ANK3: variants seen among roughly 807,000 people sequenced by gnomAD.
ANK3 encodes ankyrin 3, also known as ankyrin-3.
ANK3 carries 57 observed loss-of-function variants against 370.9 expected under a neutral mutation model. The ratio of observed to expected loss-of-function variants is 0.15; its 90% CI spans 0.12 to 0.19. ANK3 has a LOEUF of 0.19. ANK3 is among the 10% of genes least tolerant of loss of function. The pLI, the probability that ANK3 is intolerant of heterozygous loss-of-function variation, is 1.00. For synonymous variants in ANK3, 1,929 were observed against 1,946.3 expected, an observed-to-expected ratio of 0.99 and a Z score of 0.23; for missense variants, 4,439 against 5,302.1, an observed-to-expected ratio of 0.84 and a Z score of 5.06.
intron 12 of ANK3, among the ~76,000 whole-genome samples, chr10:60,202,727 T>C (rs536891576): frequency 5.1e-4 from 78 of 152,106 alleles, no homozygotes; most frequent in Admixed American, 1.5e-3. Flanking sequence ...GGCAAAATAG[T>C]GAGGCCCCCG....
chr10:60,626,434 A>G (rs1033511546), intron 1 of ANK3, among the ~76,000 whole-genome samples: 2 of 152,208 alleles, frequency 1.3e-5, no homozygotes, highest in Admixed American at 6.5e-5. Flanking sequence ...ATAATGAAAT[A>G]TAATAGTATT....
intron 1 of ANK3, among the ~76,000 whole-genome samples, chr10:60,632,241 C>T (rs1010939885): frequency 5.9e-5 from 9 of 152,090 alleles, no homozygotes; most frequent in African/African-American, 1.9e-4. Context: ...TAGGTAAAAA[C>T]CAAATTGCTT....
chr10:60,521,126 T>C (rs979390561), intron 2 of ANK3, among the ~76,000 whole-genome samples: 3 of 152,094 alleles, frequency 2.0e-5, no homozygotes, highest in Non-Finnish European at 2.9e-5. Context: ...TTATTAATTA[T>C]GGACCTTATT....
At chr10:60,641,558 T>A (rs1207749621) in intron 1 of ANK3, among the ~76,000 whole-genome samples, 6 of 151,446 alleles carry the variant, frequency 4.0e-5, no homozygotes, top group African/African-American at 1.5e-4. Context: ...TAAATGGTGC[T>A]GGGAAAACTG....
chr10:60,296,362 G>GTTAT (rs1237435735), intron 1 of ANK3, among the ~76,000 whole-genome samples: 22 of 152,208 alleles, frequency 1.4e-4, no homozygotes, highest in African/African-American at 4.6e-4. Context: ...AATTCCTTAA[G>GTTAT]GACAACTTGT....
chr10:60,186,863 A>G lies in ANK3; in HGVS notation c.1937T>C (p.Ile646Thr). 1 of 1,614,198 alleles carries G rather than the reference A, an allele frequency of 6.2e-7. No individual in the cohort carries two copies. Among genetic ancestry groups the G allele is most frequent in the Non-Finnish European group, 8.5e-7 (1 of 1,180,032 alleles). Residue 646 changes from isoleucine (I) to threonine (T), a missense_variant, in exon 17 of 44, where the codon ATA becomes ACA. Physicochemically the swap from Ile to Thr is moderately conservative, Grantham distance 89. Around this residue, in one of 13 missense-constraint regions of ANK3, gnomAD observed 192 missense variants for 192.1 expected, o/e 1.00. Transcript: ENST00000280772. Reference sequence around the variant, plus strand: ...ACCATATTCCAGCAGAGTTGTCGCTATGTCCATCTGGTTCTTTTTGGCAGC... The same window carrying G: ...ACCATATTCCAGCAGAGTTGTCGCTGTGTCCATCTGGTTCTTTTTGGCAGC... ...HIAAKKNQMDIATTLLEYGAD... is the reference protein window; with the variant it reads ...HIAAKKNQMDTATTLLEYGAD...
At chr10:60,720,722 C>G (rs779821990) in intron 1 of ANK3, among the ~76,000 whole-genome samples, 25 of 152,278 alleles carry the variant, frequency 1.6e-4, no homozygotes, top group Non-Finnish European at 3.1e-4. Context: ...AAGCGGTCCT[C>G]CCACCTCAGC....
chr10:60,094,361 T>A (rs2089572736), intron 28 of ANK3, among the ~76,000 whole-genome samples: 1 of 151,970 alleles, frequency 6.6e-6, no homozygotes, highest in East Asian at 1.9e-4. Context: ...CTAATTTTTG[T>A]ATTTTTAGTA....
chr10:60,214,527 A>G (rs924071480), intron 8 of ANK3, among the ~76,000 whole-genome samples: 53 of 151,750 alleles, frequency 3.5e-4, no homozygotes, highest in African/African-American at 1.3e-3. Context: ...CCAGCCCCCA[A>G]CAGGCCCTGG....
rs377099572 is a variant in ANK3 at position 60,291,878 on chromosome 10, A to G, written c.115-12239T>C. Among the ~76,000 whole-genome samples, 240 of 152,032 alleles carry G rather than the reference A, an allele frequency of 1.6e-3. 9 individuals are homozygous for G. The South Asian group carries it at 0.049, about 31-fold the overall frequency. On this transcript the variant is annotated intron_variant, in intron 1 of 43. Coordinates refer to ENST00000280772, the MANE Select transcript of ANK3 (RefSeq NM_020987.5). ...CAGGTACAGACCGCCACGCCTGACT[A>G]ATTTTTGTAATTTTCAGTAGAGACG...
At chr10:60,701,821 A>G (rs527429500) in intron 1 of ANK3, among the ~76,000 whole-genome samples, 1 of 152,346 alleles carries the variant, frequency 6.6e-6, no homozygotes, top group South Asian at 2.1e-4. Context: ...AATGTGTATC[A>G]AAAGTAGCCT....
At chr10:60,495,813 C>T (rs538010769) in intron 2 of ANK3, among the ~76,000 whole-genome samples, 44 of 152,198 alleles carry the variant, frequency 2.9e-4, no homozygotes, top group African/African-American at 1.1e-3. Context: ...CCCTCAAGCA[C>T]AGAGGCAGCA....
intron 1 of ANK3, among the ~76,000 whole-genome samples, chr10:60,675,548 A>G (rs2079114075): frequency 6.6e-6 from 1 of 152,250 alleles, no homozygotes; most frequent in Non-Finnish European, 1.5e-5. Context: ...TATAGCATGC[A>G]CAAAACTGAT....
chr10:60,302,893 C>T lies in ANK3; in HGVS notation c.115-23254G>A, dbSNP rs144304757. On this transcript the variant is annotated intron_variant, in intron 1 of 43. Transcript: ENST00000280772. Reference sequence around the variant, plus strand: ...GAACAATGGGACAGAATAGAAGGCCCGGAAAAAAATCTGTGTGTCTAGTCA... The same window carrying T: ...GAACAATGGGACAGAATAGAAGGCCTGGAAAAAAATCTGTGTGTCTAGTCA... 3.5e-3 allele frequency among the ~76,000 whole-genome samples: 534 copies of T among 151,702 alleles called. 5 individuals are homozygous for T. The highest frequency in any genetic ancestry group is 0.017 in the Middle Eastern group (5 of 292).
chr10:60,263,707 A>G (rs1429424409), intron 6 of ANK3, 128 bp downstream of exon 6: 11 of 1,087,974 alleles, frequency 1.0e-5, no homozygotes, highest in Admixed American at 2.2e-5. Context: ...TCAGACACAC[A>G]TTGTTCCTCC....
At chr10:60,043,387 C>A (rs2076440494) in intron 42 of ANK3, 2 of 983,812 alleles carry the variant, frequency 2.0e-6, no homozygotes, top group East Asian at 2.3e-4. Context: ...TTTCAGTTTA[C>A]TTTTTCTAAT....
intron 1 of ANK3, among the ~76,000 whole-genome samples, chr10:60,373,387 T>C (rs1020353456): frequency 6.6e-6 from 1 of 152,068 alleles, no homozygotes; most frequent in Non-Finnish European, 1.5e-5. Context: ...TCCTGGGAGT[T>C]GAAGAGAGAT....
At chr10:60,104,969 T>TA (rs1248444418) in intron 28 of ANK3, among the ~76,000 whole-genome samples, 1 of 152,218 alleles carries the variant, frequency 6.6e-6, no homozygotes, top group African/African-American at 2.4e-5. Context: ...TCAAGTACCC[T>TA]ACGGTTCACC....
In ANK3 at chr10:60,478,917, T is replaced by C. The variant is rs182612674; in HGVS notation, c.96+136269A>G. Reference sequence around the variant, plus strand: ...AGGGTAGCTAATGAAAAGTATATATTATAATGCTGTTCTTGGCATACGAAC... The same window carrying C: ...AGGGTAGCTAATGAAAAGTATATATCATAATGCTGTTCTTGGCATACGAAC... On this transcript the variant is annotated intron_variant, in intron 2 of 43. Transcript: ENST00000373827. Among the ~76,000 whole-genome samples, 467 of 152,204 alleles carry C rather than the reference T, an allele frequency of 3.1e-3. 8 individuals are homozygous for C. The highest frequency in any genetic ancestry group is 0.011 in the African/African-American group (449 of 41,562).
Sources: gnomAD v4.1 joint callset for allele counts (sites outside exome capture counted in the v4.1 genomes callset) on GRCh38, gnomAD v4.1.1 for gene constraint, gnomAD v4.1.1 regional missense constraint, MANE v1.5 for transcripts, NCBI Gene and HGNC (gene_info 2026-07-23, HGNC 2026-07-21) for gene names.